Variants in RSPO3 observed in about 807,000 individuals in gnomAD.
RSPO3 encodes the protein R-spondin-3.
In RSPO3, 17 loss-of-function variants were observed where a neutral mutation model predicts 36.5. The observed-to-expected ratio is 0.47, with a 90% CI of 0.32 to 0.70. The LOEUF (loss-of-function observed/expected upper bound fraction) is 0.70, where lower values mean the gene tolerates loss of function less well. Ranked by LOEUF, RSPO3 falls within the 30% of genes least tolerant of loss-of-function variation. The pLI is 0.04. For synonymous variants in RSPO3, 108 were observed against 107.0 expected, an observed-to-expected ratio of 1.01 and a Z score of -0.06; for missense variants, 294 against 322.5, an observed-to-expected ratio of 0.91 and a Z score of 0.68.
chr6:127,150,444 A>C lies in RSPO3; in HGVS notation c.308A>C (p.Asp103Ala). ...NKCTKCKADC[D>A]TCFNKNFCTK... ...CTTTCAGAATGCAAAGCTGACTGTG[A>C]TACCTGTTTCAACAAAAATTTCTGC... The change falls in exon 3 of 5, where the codon GAT (aspartate) becomes GCT (alanine). Residue 103 changes from aspartate (D) to alanine (A), a missense_variant. Asp to Ala is a moderately radical substitution (Grantham distance 126). Around this residue, in one of 3 missense-constraint regions of RSPO3, gnomAD observed 43 missense variants for 86.0 expected, o/e 0.50. Coordinates refer to ENST00000356698, the MANE Select transcript of RSPO3 (RefSeq NM_032784.5). 1.9e-6 allele frequency: 3 copies of C among 1,611,842 alleles called. No individual in the cohort carries two copies. The highest frequency in any genetic ancestry group is 2.5e-6 in the Non-Finnish European group (3 of 1,178,968).
intron 4 of RSPO3, among the ~76,000 whole-genome samples, chr6:127,182,867 T>A (rs1175069184): frequency 6.6e-6 from 1 of 152,020 alleles, no homozygotes; most frequent in East Asian, 1.9e-4. Context: ...GAATCATATT[T>A]CATGACTTTA....
chr6:127,184,413 T>C (rs1040996554), intron 4 of RSPO3, among the ~76,000 whole-genome samples: 6 of 151,956 alleles, frequency 3.9e-5, no homozygotes, highest in African/African-American at 9.7e-5. Flanking sequence ...GTAGATGATA[T>C]ACTGGGTTGC....
Position 127,196,166 on chromosome 6 carries a change from T to A in RSPO3, c.*159T>A. 2.0e-6 allele frequency: 1 copy of A among 506,966 alleles called. No homozygotes were observed. The highest frequency in any genetic ancestry group is 3.2e-6 in the Non-Finnish European group (1 of 308,024). The allele number at this position is 506,966 out of a possible 1,614,324, so 31.4% of individuals were successfully genotyped here. Reference sequence around the variant, plus strand: ...GCTATATTCTTCATACAAGCATAGTTAACAACAAAGAGCCAAAAGATCAAA... The same window carrying A: ...GCTATATTCTTCATACAAGCATAGTAAACAACAAAGAGCCAAAAGATCAAA... On this transcript the variant is annotated 3_prime_UTR_variant, in exon 5 of 5. Coordinates refer to ENST00000356698, the MANE Select transcript of RSPO3 (RefSeq NM_032784.5).
rs192994045 is a variant in RSPO3, at chr6:127,127,240, A to G, written c.97+7951A>G. On this transcript the variant is annotated intron_variant, in intron 1 of 4. Coordinates refer to ENST00000356698, the MANE Select transcript of RSPO3 (RefSeq NM_032784.5). ...ACATATGCTCGATAAGTTGGTAAGA[A>G]AAACAGCAGTCCTTTCTCATTGTTT... Among the ~76,000 whole-genome samples, 334 of 152,250 alleles carry G rather than the reference A, an allele frequency of 2.2e-3. 5 individuals carry two copies. Among genetic ancestry groups the G allele is most frequent in the Admixed American group, 0.012 (184 of 15,274 alleles).
intron 3 of RSPO3, among the ~76,000 whole-genome samples, chr6:127,152,376 C>T (rs1774507502): frequency 1.3e-5 from 2 of 152,110 alleles, no homozygotes; most frequent in African/African-American, 4.8e-5. Flanking sequence ...AGGTACTACA[C>T]CTGCCATGCC....
At chr6:127,150,245 C>A (rs1774464713) in intron 2 of RSPO3, among the ~76,000 whole-genome samples, 181 bp from the exon 3 acceptor site, 1 of 151,036 alleles carries the variant, frequency 6.6e-6, no homozygotes, top group Non-Finnish European at 1.5e-5. Flanking sequence ...AAATCAATAA[C>A]CAATGTACCT....
In RSPO3 at chr6:127,155,445, T is replaced by C; in HGVS notation, c.634+7T>C. The C allele has an allele frequency of 6.2e-7, 1 of 1,610,628 alleles. No homozygotes were observed. The highest frequency in any genetic ancestry group is 8.5e-7 in the Non-Finnish European group (1 of 1,177,530). On this transcript the variant is annotated splice_region_variant and intron_variant, in intron 4 of 4. Coordinates refer to ENST00000356698, the MANE Select transcript of RSPO3 (RefSeq NM_032784.5). Reference sequence around the variant, plus strand: ...TGTCAGAAGGGAGAACGAGGTACAATCATAATAACAAAATGTGCTTGTTTG... The same window carrying C: ...TGTCAGAAGGGAGAACGAGGTACAACCATAATAACAAAATGTGCTTGTTTG...
chr6:127,168,403 TTTTAGAAGTGTCTGTTATATC>T (rs529244003), intron 4 of RSPO3, among the ~76,000 whole-genome samples: 2,225 of 131,094 alleles, frequency 0.017, 14 homozygotes, highest in Non-Finnish European at 0.027. Flanking sequence ...AATGTCTTCT[TTTTAGAAGTGTCTGTTATATC>T]TTTTGCCCAC....
intron 4 of RSPO3, among the ~76,000 whole-genome samples, chr6:127,185,424 C>A (rs556005425): frequency 6.6e-6 from 1 of 151,956 alleles, no homozygotes; most frequent in African/African-American, 2.4e-5. Flanking sequence ...GTTAAGAAAC[C>A]AGTAGTTTGA....
chr6:127,186,685 G>A (rs1259554863), intron 4 of RSPO3, among the ~76,000 whole-genome samples: 1 of 152,052 alleles, frequency 6.6e-6, no homozygotes, highest in Non-Finnish European at 1.5e-5. Context: ...ATTGATTATA[G>A]ATATATTAAA....
chr6:127,154,121 T>G (rs1582797756), intron 3 of RSPO3, among the ~76,000 whole-genome samples: 1 of 152,168 alleles, frequency 6.6e-6, no homozygotes. Flanking sequence ...GGATTTAAAT[T>G]TCTAAAACAT....
rs558037689 is a variant in RSPO3, at chr6:127,196,228, T to C, written c.*221T>C. The C allele has an allele frequency of 1.5e-5, 5 of 327,972 alleles. No homozygotes were observed. In the South Asian group the frequency reaches 5.8e-4, roughly 38 times the overall value. 20.3% of individuals were successfully genotyped at this position (327,972 alleles called of 1,614,324 possible). A position where few individuals can be genotyped will look rare whatever the true frequency, so the allele number is the denominator to read the frequency against. On this transcript the variant is annotated 3_prime_UTR_variant, in exon 5 of 5. Transcript: ENST00000356698. The stretch of plus-strand genomic sequence containing the variant: ...TTCAGATGGTTGTCTTGTGTGCTTC[T>C]CTGCATTTTTAAAAGACAAGACATT...
chr6:127,192,946 C>T (rs1039316496), intron 4 of RSPO3, among the ~76,000 whole-genome samples: 4 of 152,212 alleles, frequency 2.6e-5, no homozygotes, highest in African/African-American at 4.8e-5. Context: ...CCAAATTACA[C>T]GTGATTTTTA....
chr6:127,118,813 T>C lies in RSPO3; in HGVS notation c.-380T>C. 1 of 157,808 alleles carries C rather than the reference T, an allele frequency of 6.3e-6. No homozygotes were observed. Among genetic ancestry groups the C allele is most frequent in the East Asian group, 1.9e-4 (1 of 5,334 alleles). The allele number at this position is 157,808 out of a possible 1,614,324, so 9.8% of individuals were successfully genotyped here. On this transcript the variant is annotated 5_prime_UTR_variant, in exon 1 of 5. The change abolishes the stop of an existing upstream ORF in the 5' untranslated region. Coordinates refer to ENST00000356698, the MANE Select transcript of RSPO3 (RefSeq NM_032784.5). ...CTGCAGCCGCAGCCGCCGCAGCTTC[T>C]GAGCCCAAGGGGCCGCCGCTGCAGC... is the stretch of plus-strand genomic sequence containing the variant.
chr6:127,133,620 C>T (rs997797624), intron 1 of RSPO3, among the ~76,000 whole-genome samples: 2 of 151,468 alleles, frequency 1.3e-5, no homozygotes, highest in African/African-American at 4.9e-5. Context: ...GATAGTTGCC[C>T]GTCCAAATGT....
chr6:127,197,541 A>C lies in RSPO3; in HGVS notation c.*1534A>C, dbSNP rs907258356. The C allele has an allele frequency of 1.3e-6, 2 of 1,549,854 alleles. No homozygotes were observed. The highest frequency in any genetic ancestry group is 1.7e-6 in the Non-Finnish European group (2 of 1,146,750). The stretch of plus-strand genomic sequence containing the variant: ...AGCACAGAATCGCATGACCCACCTT[A>C]ACCTTCCTGTTGTCATGGAAGGATG... On this transcript the variant is annotated 3_prime_UTR_variant, in exon 5 of 5. Coordinates refer to ENST00000356698, the MANE Select transcript of RSPO3 (RefSeq NM_032784.5).
intron 1 of RSPO3, among the ~76,000 whole-genome samples, chr6:127,125,863 C>T (rs2114538868): frequency 6.6e-6 from 1 of 152,168 alleles, no homozygotes; most frequent in South Asian, 2.1e-4. Flanking sequence ...TTCAGAGCTT[C>T]CCTAGCATGG....
intron 1 of RSPO3, among the ~76,000 whole-genome samples, chr6:127,124,650 A>T (rs1477985772): frequency 6.6e-6 from 1 of 151,950 alleles, no homozygotes; most frequent in Non-Finnish European, 1.5e-5. Context: ...CACATGATTG[A>T]ATATCTTAAA....
chr6:127,152,565 CCA>C (rs1274532708), intron 3 of RSPO3, among the ~76,000 whole-genome samples: 1 of 152,070 alleles, frequency 6.6e-6, no homozygotes, highest in Non-Finnish European at 1.5e-5. Flanking sequence ...CTTTAGCTTC[CCA>C]CTACTCATCC....
Sources: allele counts gnomAD v4.1 joint callset (sites outside exome capture counted in the v4.1 genomes callset), GRCh38; gene constraint gnomAD v4.1.1; regional missense constraint gnomAD v4.1.1; transcripts MANE v1.5; gene names NCBI Gene and HGNC (gene_info 2026-07-23, HGNC 2026-07-21).